Variants in MEI4 observed in about 807,000 individuals in gnomAD.
MEI4 encodes meiotic double-stranded break formation protein 4, also known as meiosis-specific protein MEI4.
In MEI4, 27 loss-of-function variants were observed where a neutral mutation model predicts 31.4. The ratio of observed to expected loss-of-function variants is 0.86; its 90% confidence interval spans 0.63 to 1.19. MEI4 has a LOEUF of 1.19. Among genes scored for constraint, MEI4 ranks in the 50% most tolerant of loss-of-function variants. The pLI is 0.00. For synonymous variants in MEI4, 122 were observed against 145.4 expected (o/e 0.84, Z 1.16); for missense variants, 329 against 398.9 (o/e 0.82, Z 1.49).
chr6:77,923,114 G>A lies in MEI4; in HGVS notation c.926G>A (p.Arg309His), dbSNP rs756946819. Residue 309 changes from arginine to histidine, a missense_variant, in exon 5 of 5, where the codon CGC becomes CAC. By Grantham distance (29) the Arg-to-His change is conservative. Transcript: ENST00000684080. ...GAGCAAGCCAGTTATGATGTGTCACGCTATGAAAACATTTTCTACCTGTTC... is the reference window on the plus strand; with the variant it reads ...GAGCAAGCCAGTTATGATGTGTCACACTATGAAAACATTTTCTACCTGTTC... ...NQEQASYDVS[R>H]YENIFYLFWV... 426 of 1,230,036 alleles carry A rather than the reference G, an allele frequency of 3.5e-4. No homozygotes were observed. The highest frequency in any genetic ancestry group is 9.4e-4 in the Middle Eastern group (3 of 3,194). 76.2% of individuals were successfully genotyped at this position (1,230,036 alleles called of 1,614,324 possible). A position where few individuals can be genotyped will look rare whatever the true frequency, so the allele number is the denominator to read the frequency against.
chr6:77,736,206 G>A (rs1325006958), intron 2 of MEI4, among the ~76,000 whole-genome samples: 2 of 152,048 alleles, frequency 1.3e-5, no homozygotes, highest in African/African-American at 4.8e-5. Flanking sequence ...AAGCAAGCCT[G>A]GGCAATGGCG....
At position 77,781,140 on chromosome 6, in the gene MEI4, C is replaced by T. The variant is rs1350287064; in HGVS notation, c.768+19475C>T. On this transcript the variant is annotated intron_variant, in intron 3 of 4. Coordinates refer to ENST00000684080, the MANE Select transcript of MEI4 (RefSeq NM_001322247.2). ...CTTGAACTCCTGGCTTCAAGTAATC[C>T]TCCTTCCTTAGCCTCCCAATGTGCT... Among the ~76,000 whole-genome samples the T allele has an allele frequency of 2.0e-5, 3 of 151,998 alleles. 1 individual carries two copies. Among genetic ancestry groups the T allele is most frequent in the Admixed American group, 2.0e-4 (3 of 15,246 alleles).
chr6:77,835,923 C>T lies in MEI4; in HGVS notation c.900+6861C>T, dbSNP rs193179559. Among the ~76,000 whole-genome samples, 85 of 151,800 alleles carry T rather than the reference C, an allele frequency of 5.6e-4. 1 individual carries two copies. The East Asian group carries it at 0.013, about 23-fold the overall frequency. On this transcript the variant is annotated intron_variant, in intron 4 of 4. Transcript: ENST00000684080. ...ATGAAGTATCTGAGAAGGAGAGCTA[C>T]CCAAATATACCATTTTTTTACAAAT...
intron 3 of MEI4, among the ~76,000 whole-genome samples, chr6:77,812,159 C>T (rs1561998855): frequency 6.6e-6 from 1 of 151,866 alleles, no homozygotes; most frequent in Admixed American, 6.6e-5. Flanking sequence ...TAAACAGTTG[C>T]TTTTATGTTT....
intron 1 of MEI4, among the ~76,000 whole-genome samples, chr6:77,672,716 T>TA (rs923811013): frequency 2.6e-5 from 4 of 152,282 alleles, no homozygotes; most frequent in Non-Finnish European, 4.4e-5. Flanking sequence ...ATTTTTGTAT[T>TA]TTTAGTAGAG....
intron 4 of MEI4, among the ~76,000 whole-genome samples, chr6:77,837,356 C>T (rs181353504): frequency 1.3e-5 from 2 of 152,168 alleles, no homozygotes; most frequent in African/African-American, 2.4e-5. Context: ...AAATAGAACA[C>T]GTTAAATTAA....
chr6:77,875,109 G>C (rs1562021952), intron 4 of MEI4, among the ~76,000 whole-genome samples: 1 of 152,122 alleles, frequency 6.6e-6, no homozygotes, highest in Non-Finnish European at 1.5e-5. Context: ...TACACAAAAA[G>C]GTGGTTACTC....
intron 3 of MEI4, among the ~76,000 whole-genome samples, chr6:77,826,092 C>G (rs1001403762): frequency 1.4e-4 from 21 of 152,286 alleles, no homozygotes; most frequent in African/African-American, 5.1e-4. Flanking sequence ...ACAACACTCA[C>G]TTCTGCTTTT....
intron 1 of MEI4, among the ~76,000 whole-genome samples, chr6:77,664,317 G>T (rs1355513040): frequency 2.6e-5 from 4 of 152,128 alleles, no homozygotes; most frequent in Admixed American, 1.3e-4. Context: ...GCTGTAAAGT[G>T]TCTCAGGGTT....
chr6:77,668,472 T>C (rs1291961085), intron 1 of MEI4, among the ~76,000 whole-genome samples: 2 of 152,174 alleles, frequency 1.3e-5, no homozygotes, highest in African/African-American at 4.8e-5. Context: ...AGTGGAAAGC[T>C]CCTTAGTGTC....
At chr6:77,688,636 G>T (rs553495657) in intron 1 of MEI4, among the ~76,000 whole-genome samples, 9 of 151,998 alleles carry the variant, frequency 5.9e-5, no homozygotes, top group African/African-American at 2.2e-4. Context: ...AGAGAACTTT[G>T]TCCTCTTGTG....
At chr6:77,858,069 T>C (rs1770784053) in intron 4 of MEI4, among the ~76,000 whole-genome samples, 1 of 152,206 alleles carries the variant, frequency 6.6e-6, no homozygotes, top group Admixed American at 6.5e-5. Flanking sequence ...ATAAGTTTTA[T>C]CTGTCATATC....
At chr6:77,818,966 C>A (rs1231272889) in intron 3 of MEI4, among the ~76,000 whole-genome samples, 1 of 152,000 alleles carries the variant, frequency 6.6e-6, no homozygotes. Flanking sequence ...TTGAACCTAG[C>A]TTCAAGTAAT....
intron 2 of MEI4, among the ~76,000 whole-genome samples, chr6:77,698,386 G>T (rs1157637114): frequency 6.6e-6 from 1 of 152,166 alleles, no homozygotes; most frequent in African/African-American, 2.4e-5. Flanking sequence ...ATTTTGGCAG[G>T]TTTTTGCAGT....
chr6:77,701,428 G>A (rs1427545014), intron 2 of MEI4, among the ~76,000 whole-genome samples: 4 of 152,034 alleles, frequency 2.6e-5, no homozygotes, highest in Non-Finnish European at 2.9e-5. Flanking sequence ...GTGTGTGTGC[G>A]GGTGGGGCAG....
chr6:77,905,866 T>C (rs757539135), intron 4 of MEI4, among the ~76,000 whole-genome samples: 5 of 151,596 alleles, frequency 3.3e-5, no homozygotes, highest in Non-Finnish European at 5.9e-5. Flanking sequence ...AACTCATAAT[T>C]TACAATACTT....
chr6:77,866,734 A>T (rs1771041347), intron 4 of MEI4, among the ~76,000 whole-genome samples: 1 of 152,146 alleles, frequency 6.6e-6, no homozygotes, highest in Admixed American at 6.6e-5. Context: ...TAAAGTTCAT[A>T]TGGAACCAAA....
At chr6:77,914,607 G>T (rs1766501769) in intron 4 of MEI4, among the ~76,000 whole-genome samples, 1 of 152,016 alleles carries the variant, frequency 6.6e-6, no homozygotes, top group African/African-American at 2.4e-5. Context: ...TCTATGTTCA[G>T]TTTAAATCCA....
intron 3 of MEI4, among the ~76,000 whole-genome samples, chr6:77,795,006 G>T (rs890316881): frequency 6.6e-6 from 1 of 152,032 alleles, no homozygotes; most frequent in Non-Finnish European, 1.5e-5. Flanking sequence ...AAAATGGAAA[G>T]CAAAAATATA....
Sources: gnomAD v4.1 joint callset for allele counts (sites outside exome capture counted in the v4.1 genomes callset) on GRCh38, gnomAD v4.1.1 for gene constraint, MANE v1.5 for transcripts, NCBI Gene and HGNC (gene_info 2026-07-23, HGNC 2026-07-21) for gene names.